THAP5: variants seen among roughly 807,000 people sequenced by gnomAD.
THAP5 encodes the protein THAP domain-containing protein 5.
Under a neutral mutation model 34.0 loss-of-function variants are expected in THAP5, and 26 were observed. The ratio of observed to expected loss-of-function variants is 0.77; its 90% CI spans 0.56 to 1.06. The LOEUF (loss-of-function observed/expected upper bound fraction) is 1.06. Among genes scored for constraint, THAP5 ranks in the 50% least tolerant of loss-of-function variants. The pLI, the probability that THAP5 is intolerant of heterozygous loss-of-function variation, is 0.00. For missense variants in THAP5, 394 were observed against 452.8 expected (o/e 0.87, Z 1.18); for synonymous variants, 125 against 153.0 (o/e 0.82, Z 1.35).
Position 108,569,589 on chromosome 7 carries a change from G to A in THAP5, c.-20C>T, listed in dbSNP as rs1790567323. On this transcript the variant is annotated 5_prime_UTR_variant, in exon 1 of 3. Transcript: ENST00000415914. ...GGGCATGACTCGGGTGAGGCCCCTG[G>A]AGACCGGGGCCGGCGACGGATGCAG... The A allele has an allele frequency of 6.4e-7, 1 of 1,550,614 alleles. No homozygotes were observed. The highest frequency in any genetic ancestry group is 1.2e-5 in the South Asian group (1 of 84,034).
In THAP5 at chr7:108,569,577, G is replaced by C; in HGVS notation, c.-8C>G. 1 of 1,551,248 alleles carries C rather than the reference G, an allele frequency of 6.4e-7. No individual in the cohort carries two copies. Among genetic ancestry groups the C allele is most frequent in the Non-Finnish European group, 8.7e-7 (1 of 1,147,020 alleles). On this transcript the variant is annotated 5_prime_UTR_variant, in exon 1 of 3. Coordinates refer to ENST00000415914, the MANE Select transcript of THAP5 (RefSeq NM_001130475.3). ...TGCGCAATAGCGGGGCATGACTCGG[G>C]TGAGGCCCCTGGAGACCGGGGCCGG...
At chr7:108,569,103 CG>C in intron 1 of THAP5, 1 of 1,049,038 alleles carries the variant, frequency 9.5e-7, no homozygotes, top group Non-Finnish European at 1.2e-6. Context: ...ACCTACCTCG[CG>C]GGGGGTGTAA....
the THAP5 span, among the ~76,000 whole-genome samples, chr7:108,546,508 TAAC>T: frequency 1.3e-5 from 2 of 152,032 alleles, no homozygotes; most frequent in Non-Finnish European, 2.9e-5. Flanking sequence ...TGCTCCAGAT[TAAC>T]AACAACAACA....
rs138257133 is a variant in THAP5, at chr7:108,569,125, C to T, written c.80+365G>A. On this transcript the variant is annotated intron_variant, in intron 1 of 2. Coordinates refer to ENST00000415914, the MANE Select transcript of THAP5 (RefSeq NM_001130475.3). ...TCGCGGGGGGTGTAAATTAACTTTG[C>T]GTGCACCTTTCCACTTCGCAGGTTT... 555 of 1,075,490 alleles carry T rather than the reference C, an allele frequency of 5.2e-4. 2 individuals are homozygous for T. The Middle Eastern group carries it at 5.7e-3, about 11-fold the overall frequency. The allele number at this position is 1,075,490 out of a possible 1,614,324, so 66.6% of individuals were successfully genotyped here.
downstream of THAP5, among the ~76,000 whole-genome samples, chr7:108,558,401 ATATATATAT>A (rs1416075134): frequency 7.5e-6 from 1 of 133,764 alleles, no homozygotes; most frequent in Non-Finnish European, 1.6e-5. Flanking sequence ...ATATATATAT[ATATATATAT>A]ATATTTAGAC....
chr7:108,547,636 G>C, the THAP5 span, among the ~76,000 whole-genome samples: 1 of 152,086 alleles, frequency 6.6e-6, no homozygotes, highest in African/African-American at 2.4e-5. Flanking sequence ...GGCAGTATTC[G>C]TCTAAGATTT....
At chr7:108,548,173 T>C in the THAP5 span, among the ~76,000 whole-genome samples, 5 of 152,174 alleles carry the variant, frequency 3.3e-5, no homozygotes, top group African/African-American at 4.8e-5. Context: ...GACAATAATA[T>C]ACTCATGGAG....
downstream of THAP5, among the ~76,000 whole-genome samples, chr7:108,550,088 A>G (rs758557195): frequency 5.3e-5 from 8 of 152,206 alleles, no homozygotes; most frequent in Non-Finnish European, 7.3e-5. Context: ...TTATTTCCCT[A>G]GAATACATTT....
intron 1 of THAP5, among the ~76,000 whole-genome samples, chr7:108,566,866 A>C (rs1392571268): frequency 3.3e-5 from 5 of 152,180 alleles, no homozygotes. Context: ...TCAATCTAAA[A>C]AGGTTTGGGT....
At chr7:108,568,092 G>GT (rs1790524357) in intron 1 of THAP5, among the ~76,000 whole-genome samples, 1 of 152,224 alleles carries the variant, frequency 6.6e-6, no homozygotes, top group Admixed American at 6.5e-5. Flanking sequence ...CCTATAAACT[G>GT]AAAGTGGATT....
Position 108,565,117 on chromosome 7 carries a change from T to A in THAP5, c.274-12A>T. On this transcript the variant is annotated splice_polypyrimidine_tract_variant and intron_variant, in intron 2 of 2. Coordinates refer to ENST00000415914, the MANE Select transcript of THAP5 (RefSeq NM_001130475.3). ...GAAGGGTCTTTTCCCTAGAAAATAA[T>A]ATTTTCATGTTCTGAAAAAGATGAC... The A allele has an allele frequency of 6.8e-7, 1 of 1,477,142 alleles. No individual in the cohort carries two copies. Among genetic ancestry groups the A allele is most frequent in the Admixed American group, 2.7e-5 (1 of 36,432 alleles). 91.5% of individuals were successfully genotyped at this position (1,477,142 alleles called of 1,614,324 possible).
downstream of THAP5, among the ~76,000 whole-genome samples, chr7:108,561,408 C>A (rs1280002250): frequency 2.0e-5 from 3 of 149,992 alleles, no homozygotes; most frequent in African/African-American, 7.6e-5. Flanking sequence ...GGAATACAGG[C>A]ACGCACCACC....
chr7:108,545,002 G>A, the THAP5 span, among the ~76,000 whole-genome samples: 2 of 152,008 alleles, frequency 1.3e-5, no homozygotes, highest in South Asian at 2.1e-4. Context: ...AGTTTAGAAG[G>A]AAGAGGCAAT....
chr7:108,549,095 C>T, the THAP5 span, among the ~76,000 whole-genome samples: 1 of 135,786 alleles, frequency 7.4e-6, no homozygotes, highest in Non-Finnish European at 1.5e-5. Flanking sequence ...TTAATACACA[C>T]ACACACACAC....
intron 1 of THAP5, among the ~76,000 whole-genome samples, chr7:108,555,867 T>G (rs1168582419): frequency 6.6e-6 from 1 of 151,886 alleles, no homozygotes; most frequent in Non-Finnish European, 1.5e-5. Flanking sequence ...CATGCCTGGC[T>G]AATTTTTGTA....
downstream of THAP5, among the ~76,000 whole-genome samples, chr7:108,559,001 T>A (rs1297714222): frequency 6.6e-6 from 1 of 152,258 alleles, no homozygotes; most frequent in Admixed American, 6.5e-5. Context: ...AGTGAAATAT[T>A]CATCATGTTT....
At chr7:108,565,787 C>G (rs1425397158) in intron 2 of THAP5, 43 bp downstream of exon 2, 5 of 1,414,220 alleles carry the variant, frequency 3.5e-6, no homozygotes, top group Non-Finnish European at 4.6e-6. Flanking sequence ...ACCCTGAAAT[C>G]TGCCACTCTG....
Position 108,564,529 on chromosome 7 carries a change from A to T in THAP5, c.850T>A (p.Ser284Thr). The T allele has an allele frequency of 1.2e-6, 2 of 1,613,818 alleles. No homozygotes were observed. Among genetic ancestry groups the T allele is most frequent in the Non-Finnish European group, 1.7e-6 (2 of 1,179,892 alleles). The change falls in exon 3 of 3, where the codon TCA becomes ACA. Residue 284 changes from serine (S) to threonine (T), a missense_variant. Physicochemically the swap from Ser to Thr is moderately conservative, Grantham distance 58 (BLOSUM62 1). Coordinates refer to ENST00000415914, the MANE Select transcript of THAP5 (RefSeq NM_001130475.3). ...TGTGCAGATATAAAAGAATTAACTG[A>T]GGGTTTAGAATTTTCAGCAGGTACA... ...IFVPAENSKP[S>T]VNSFISAQKE...
chr7:108,543,551 G>A, the THAP5 span, among the ~76,000 whole-genome samples: 10 of 152,116 alleles, frequency 6.6e-5, no homozygotes, highest in Non-Finnish European at 1.5e-4. Flanking sequence ...TCACAACTAG[G>A]GACTGATGAT....
Sources: gnomAD v4.1 joint callset for allele counts (sites outside exome capture counted in the v4.1 genomes callset) on GRCh38, gnomAD v4.1.1 for gene constraint, MANE v1.5 for transcripts, NCBI Gene and HGNC (gene_info 2026-07-23, HGNC 2026-07-21) for gene names.